The following FBXL13 variants were observed in gnomAD, a reference collection of about 807,000 sequenced individuals.
FBXL13 encodes F-box and leucine rich repeat protein 13.
In FBXL13, 67 loss-of-function variants were observed where a neutral mutation model predicts 83.6. The observed-to-expected ratio is 0.80, with a 90% CI of 0.66 to 0.98. The LOEUF (loss-of-function observed/expected upper bound fraction) is 0.98, where lower values mean the gene tolerates loss of function less well. Among genes scored for constraint, FBXL13 ranks in the 50% least tolerant of loss-of-function variants. FBXL13 has a pLI of 0.00. For synonymous variants in FBXL13, 272 were observed against 299.5 expected (o/e 0.91, Z 0.95); for missense variants, 822 against 866.5 (o/e 0.95, Z 0.64).
At chr7:102,825,327 A>T (rs1465496574) in intron 18 of FBXL13, among the ~76,000 whole-genome samples, 1 of 152,128 alleles carries the variant, frequency 6.6e-6, no homozygotes, top group Non-Finnish European at 1.5e-5. Flanking sequence ...TGAGAGTGGG[A>T]CTGGTGGCTT....
chr7:102,907,475 GC>G (rs568234212), intron 11 of FBXL13, among the ~76,000 whole-genome samples: 1 of 98,700 alleles, frequency 1.0e-5, no homozygotes, highest in Admixed American at 1.2e-4. Context: ...CCCCATTCCC[GC>G]CCCCCCACAA....
At chr7:103,027,394 C>T (rs1429290077) in intron 5 of FBXL13, 55 bp downstream of exon 6, 2 of 1,215,852 alleles carry the variant, frequency 1.6e-6, no homozygotes, top group African/African-American at 3.0e-5. Context: ...TTTGAGGCAA[C>T]ATGAATATAA....
At chr7:102,977,593 C>T (rs903120858) in intron 6 of FBXL13, among the ~76,000 whole-genome samples, 4 of 152,078 alleles carry the variant, frequency 2.6e-5, no homozygotes, top group African/African-American at 9.7e-5. Context: ...CTTTTTCTCC[C>T]GTGTTATCCC....
At chr7:102,922,789 A>G (rs847655) in intron 10 of FBXL13, among the ~76,000 whole-genome samples, 4,302 of 151,890 alleles carry the variant, frequency 0.028, 216 homozygotes, top group African/African-American at 0.098. Flanking sequence ...TGGCTAACAC[A>G]GTGAAACCCC....
chr7:102,970,373 A>G (rs995601660), intron 6 of FBXL13, among the ~76,000 whole-genome samples: 2 of 152,212 alleles, frequency 1.3e-5, no homozygotes, highest in African/African-American at 4.8e-5. Flanking sequence ...AAAGAAAAAA[A>G]GAGTTTGTAA....
At chr7:103,039,676 AT>A (rs1563258011) in intron 2 of FBXL13, among the ~76,000 whole-genome samples, 1 of 152,232 alleles carries the variant, frequency 6.6e-6, no homozygotes, top group Admixed American at 6.5e-5. Flanking sequence ...AATATTCAAC[AT>A]TCTTAAAGAA....
chr7:102,993,369 G>A (rs1171389552), intron 6 of FBXL13, among the ~76,000 whole-genome samples: 1 of 152,158 alleles, frequency 6.6e-6, no homozygotes, highest in Admixed American at 6.6e-5. Flanking sequence ...CATCAACACA[G>A]TAAAATCTGA....
At chr7:102,923,318 G>C (rs1412430470) in intron 10 of FBXL13, among the ~76,000 whole-genome samples, 2 of 152,084 alleles carry the variant, frequency 1.3e-5, no homozygotes, top group African/African-American at 4.8e-5. Context: ...CCGATTTGTA[G>C]TGTTTGATGT....
At chr7:102,930,830 A>G (rs1231915668) in intron 9 of FBXL13, among the ~76,000 whole-genome samples, 1 of 152,214 alleles carries the variant, frequency 6.6e-6, no homozygotes, top group Non-Finnish European at 1.5e-5. Context: ...CCAAGATGGA[A>G]TCTCAATTCT....
At chr7:102,837,509 G>A (rs58814323) in intron 17 of FBXL13, among the ~76,000 whole-genome samples, 27,536 of 152,214 alleles carry the variant, frequency 0.18, 2,799 homozygotes, top group East Asian at 0.43. Context: ...TTATTCTACA[G>A]TCTTCCCCAA....
At chr7:103,057,347 A>AG (rs1175461493) in intron 1 of FBXL13, among the ~76,000 whole-genome samples, 2 of 152,068 alleles carry the variant, frequency 1.3e-5, no homozygotes, top group African/African-American at 4.8e-5. Flanking sequence ...GCCAATCTGA[A>AG]GACATAACTA....
downstream of FBXL13, among the ~76,000 whole-genome samples, chr7:102,811,257 G>T (rs1797418194): frequency 6.6e-6 from 1 of 152,188 alleles, no homozygotes; most frequent in African/African-American, 2.4e-5. Context: ...GGATCACATT[G>T]TTAAGTCCCA....
chr7:103,053,296 G>A (rs1585574076), intron 2 of FBXL13, among the ~76,000 whole-genome samples: 1 of 151,754 alleles, frequency 6.6e-6, no homozygotes, highest in East Asian at 2.0e-4. Flanking sequence ...GGGATTACAG[G>A]CACCCGCCAC....
At chr7:102,841,857 G>A (rs1802993153) in intron 17 of FBXL13, among the ~76,000 whole-genome samples, 1 of 152,156 alleles carries the variant, frequency 6.6e-6, no homozygotes, top group East Asian at 1.9e-4. Context: ...GGCATGGATA[G>A]CCAAGCAGCA....
At chr7:103,034,447 G>A (rs1794862088) in intron 2 of FBXL13, among the ~76,000 whole-genome samples, 1 of 152,218 alleles carries the variant, frequency 6.6e-6, no homozygotes, top group South Asian at 2.1e-4. Flanking sequence ...TGGCCCAGGT[G>A]CTAAGCCCCT....
At chr7:103,058,020 A>G (rs1231157209) in intron 1 of FBXL13, among the ~76,000 whole-genome samples, 3 of 152,120 alleles carry the variant, frequency 2.0e-5, no homozygotes, top group African/African-American at 7.2e-5. Context: ...CTACCTCCAT[A>G]GGCCAAGTGT....
chr7:102,909,966 A>G (rs1378416415), intron 11 of FBXL13, among the ~76,000 whole-genome samples: 4 of 152,090 alleles, frequency 2.6e-5, no homozygotes, highest in South Asian at 2.1e-4. Context: ...GGATTTGCCT[A>G]AGGGTTACAG....
At chr7:103,049,701 T>C (rs1209088113) in intron 2 of FBXL13, among the ~76,000 whole-genome samples, 1 of 152,208 alleles carries the variant, frequency 6.6e-6, no homozygotes, top group Non-Finnish European at 1.5e-5. Flanking sequence ...ATATCCACTT[T>C]TAATTAAGCT....
chr7:103,011,289 C>G (rs978214889), intron 6 of FBXL13, among the ~76,000 whole-genome samples: 1 of 152,088 alleles, frequency 6.6e-6, no homozygotes, highest in African/African-American at 2.4e-5. Context: ...TCCAAGAAAT[C>G]TAAGGAGTAC....
Sources: allele counts gnomAD v4.1 joint callset (sites outside exome capture counted in the v4.1 genomes callset), GRCh38; gene constraint gnomAD v4.1.1; transcripts MANE v1.5; gene names NCBI Gene and HGNC (gene_info 2026-07-23, HGNC 2026-07-21).